CCDC102B: variants seen among roughly 807,000 people sequenced by gnomAD.
The protein encoded by CCDC102B is coiled-coil domain-containing protein 102B.
In CCDC102B, 75 loss-of-function variants were observed where a neutral mutation model predicts 57.4. The observed-to-expected ratio is 1.31, with a 90% CI of 1.08 to 1.58. The LOEUF (loss-of-function observed/expected upper bound fraction) is 1.58, where lower values mean the gene tolerates loss of function less well. Ranked by LOEUF, CCDC102B falls within the 40% of genes most tolerant of loss-of-function variation. CCDC102B has a pLI of 0.00. For missense variants in CCDC102B, 636 were observed against 582.6 expected (o/e 1.09, Z -0.94); for synonymous variants, 206 against 201.9 (o/e 1.02, Z -0.17).
At chr18:68,854,708 G>A (rs542699554) in intron 4 of CCDC102B, among the ~76,000 whole-genome samples, 2 of 152,018 alleles carry the variant, frequency 1.3e-5, no homozygotes, top group African/African-American at 4.8e-5. Flanking sequence ...AAGTCTTTGT[G>A]GGCTCCTGCT....
intron 7 of CCDC102B, among the ~76,000 whole-genome samples, chr18:69,012,657 G>A (rs2051550232): frequency 6.6e-6 from 1 of 151,768 alleles, no homozygotes; most frequent in South Asian, 2.1e-4. Flanking sequence ...CATCTTTTCT[G>A]TCATGTCTCA....
At chr18:68,996,393 C>G (rs2051028339) in intron 6 of CCDC102B, among the ~76,000 whole-genome samples, 1 of 152,160 alleles carries the variant, frequency 6.6e-6, no homozygotes, top group Non-Finnish European at 1.5e-5. Flanking sequence ...GCTTCCTTAC[C>G]TTTGAGGTTT....
intron 6 of CCDC102B, among the ~76,000 whole-genome samples, chr18:68,960,572 A>G (rs538355980): frequency 6.6e-6 from 1 of 152,278 alleles, no homozygotes; most frequent in South Asian, 2.1e-4. Context: ...CCAGCACAGC[A>G]CCAGAACTTG....
chr18:68,783,803 T>C (rs192533407), intron 2 of CCDC102B, among the ~76,000 whole-genome samples: 143 of 152,258 alleles, frequency 9.4e-4, no homozygotes, highest in Middle Eastern at 3.4e-3. Flanking sequence ...GAGCAATACT[T>C]TTATGTTATG....
In CCDC102B at chr18:68,805,260, G is replaced by A. The variant is rs1356205374; in HGVS notation, c.-16+7079G>A. Reference sequence around the variant, plus strand: ...AATGTATGGGATTATTCAGTAGAATGTTTGTGATTTAATCAGGGAAAAATA... The same window carrying A: ...AATGTATGGGATTATTCAGTAGAATATTTGTGATTTAATCAGGGAAAAATA... On this transcript the variant is annotated intron_variant, in intron 1 of 7. Coordinates refer to ENST00000360242, the MANE Select transcript of CCDC102B (RefSeq NM_024781.3). Among the ~76,000 whole-genome samples the A allele has an allele frequency of 2.0e-5, 3 of 152,182 alleles. No homozygotes were observed. In the East Asian group the frequency reaches 5.8e-4, roughly 29 times the overall value.
chr18:68,896,580 T>C (rs1249858611), intron 5 of CCDC102B, among the ~76,000 whole-genome samples: 1 of 152,026 alleles, frequency 6.6e-6, no homozygotes, highest in Non-Finnish European at 1.5e-5. Flanking sequence ...TGTGAAGAAA[T>C]GAGCGTGGCC....
At chr18:68,843,302 T>C (rs924057144) in intron 3 of CCDC102B, among the ~76,000 whole-genome samples, 3 of 152,200 alleles carry the variant, frequency 2.0e-5, no homozygotes, top group Admixed American at 1.3e-4. Flanking sequence ...TTTGATTTGG[T>C]AAGAACATTT....
At chr18:68,958,425 T>C (rs1249445840) in intron 6 of CCDC102B, among the ~76,000 whole-genome samples, 1 of 152,238 alleles carries the variant, frequency 6.6e-6, no homozygotes, top group African/African-American at 2.4e-5. Context: ...GTTTAACTAT[T>C]CTTGCTTCCC....
chr18:69,054,712 T>C lies in CCDC102B; in HGVS notation c.*575T>C, dbSNP rs1268828681. 1.0e-6 allele frequency: 1 copy of C among 984,882 alleles called. No individual in the cohort carries two copies. Among genetic ancestry groups the C allele is most frequent in the Non-Finnish European group, 1.2e-6 (1 of 829,626 alleles). 61.0% of individuals were successfully genotyped at this position (984,882 alleles called of 1,614,324 possible). On this transcript the variant is annotated 3_prime_UTR_variant, in exon 8 of 8. Transcript: ENST00000360242. ...GAATCAGAAAAAAGTGTTTTGTATT[T>C]TAAAGTAACAGATAACCAGTGATTG...
chr18:68,962,826 C>T (rs2050077498), intron 6 of CCDC102B, among the ~76,000 whole-genome samples: 1 of 151,976 alleles, frequency 6.6e-6, no homozygotes, highest in Non-Finnish European at 1.5e-5. Flanking sequence ...TTCCGGCTTA[C>T]TTCCAATGAG....
intron 6 of CCDC102B, among the ~76,000 whole-genome samples, chr18:68,988,556 C>CA (rs201769629): frequency 0.042 from 5,056 of 120,346 alleles, 127 homozygotes; most frequent in East Asian, 0.11. Flanking sequence ...GTTGAAATTA[C>CA]AAAAAAAAAC....
rs71175201 is a variant in CCDC102B, at chr18:68,853,672, TAAAAAAAAAA to T, written c.936+7272_936+7281del. ...CGAATTTTTCTTTATCCCCAAATTGTAAAAAAAAAAAAAAAAAAAAAAAAAAAAAATCTGA... is the reference window on the plus strand; with the variant it reads ...CGAATTTTTCTTTATCCCCAAATTGTAAAAAAAAAAAAAAAAAAAATCTGA... On this transcript the variant is annotated intron_variant, in intron 4 of 7. Coordinates refer to ENST00000360242, the MANE Select transcript of CCDC102B (RefSeq NM_024781.3). Among the ~76,000 whole-genome samples the T allele has an allele frequency of 9.9e-4, 94 of 94,654 alleles. 1 individual carries two copies. The highest frequency in any genetic ancestry group is 1.8e-3 in the African/African-American group (38 of 21,346). The allele number at this position is 94,654 out of a possible 152,430, so 62.1% of individuals were successfully genotyped here. A position where few individuals can be genotyped will look rare whatever the true frequency, so the allele number is the denominator to read the frequency against.
chr18:68,962,363 T>C (rs1188238831), intron 6 of CCDC102B, among the ~76,000 whole-genome samples: 2 of 152,088 alleles, frequency 1.3e-5, no homozygotes, highest in African/African-American at 4.8e-5. Flanking sequence ...CTTGGGTGAC[T>C]CTGACGTGTC....
chr18:69,034,686 ATACTT>A (rs1280480570), intron 7 of CCDC102B, among the ~76,000 whole-genome samples: 2 of 151,494 alleles, frequency 1.3e-5, no homozygotes, highest in Non-Finnish European at 3.0e-5. Flanking sequence ...AAATTGTTCT[ATACTT>A]TATATATATA....
At chr18:68,839,516 A>G (rs999814299) in intron 3 of CCDC102B, among the ~76,000 whole-genome samples, 12 of 152,188 alleles carry the variant, frequency 7.9e-5, no homozygotes, top group Admixed American at 6.5e-5. Context: ...CCAAGTAATT[A>G]TCATTAAAAC....
At chr18:68,762,811 G>A (rs1434102476) in intron 2 of CCDC102B, among the ~76,000 whole-genome samples, 3 of 152,112 alleles carry the variant, frequency 2.0e-5, no homozygotes, top group African/African-American at 7.2e-5. Flanking sequence ...GAATTGAAAA[G>A]GCGTTAAATT....
chr18:68,741,085 T>C (rs1486851505), intron 2 of CCDC102B, among the ~76,000 whole-genome samples: 2 of 152,222 alleles, frequency 1.3e-5, no homozygotes, highest in African/African-American at 4.8e-5. Context: ...GGTGGCAGCT[T>C]GTGTCATGCA....
At chr18:69,004,796 T>C (rs182939177) in intron 6 of CCDC102B, among the ~76,000 whole-genome samples, 22 of 152,288 alleles carry the variant, frequency 1.4e-4, no homozygotes, top group African/African-American at 5.1e-4. Flanking sequence ...AACACAGTTA[T>C]TGGCACACGG....
chr18:68,757,653 C>T (rs1237233288), intron 2 of CCDC102B, among the ~76,000 whole-genome samples: 1 of 152,078 alleles, frequency 6.6e-6, no homozygotes, highest in Non-Finnish European at 1.5e-5. Flanking sequence ...CTTATTTCCT[C>T]ACACATTAAA....
Sources: gnomAD v4.1 joint callset for allele counts (sites outside exome capture counted in the v4.1 genomes callset) on GRCh38, gnomAD v4.1.1 for gene constraint, MANE v1.5 for transcripts, NCBI Gene and HGNC (gene_info 2026-07-23, HGNC 2026-07-21) for gene names.